CHFR: variants seen among roughly 807,000 people sequenced by gnomAD.
The protein encoded by CHFR is E3 ubiquitin-protein ligase CHFR.
In CHFR, 57 loss-of-function variants were observed where a neutral mutation model predicts 87.6. The ratio of observed to expected loss-of-function variants is 0.65; its 90% CI spans 0.53 to 0.81. The LOEUF is 0.81. Ranked by LOEUF, CHFR falls within the 30% of genes least tolerant of loss-of-function variation. CHFR has a pLI of 0.00. For missense variants in CHFR, 797 were observed against 865.8 expected, an observed-to-expected ratio of 0.92 and a Z score of 1.00; for synonymous variants, 381 against 359.2, an observed-to-expected ratio of 1.06 and a Z score of -0.69.
chr12:132,874,311 A>C (rs1243745494), intron 3 of CHFR, among the ~76,000 whole-genome samples: 1 of 152,140 alleles, frequency 6.6e-6, no homozygotes, highest in East Asian at 1.9e-4. Flanking sequence ...CAGGACCAGC[A>C]CCCAGCGTGG....
chr12:132,874,955 C>T (rs11147133), intron 3 of CHFR, among the ~76,000 whole-genome samples: 18,263 of 125,160 alleles, frequency 0.15, 1,626 homozygotes, highest in Admixed American at 0.2. Flanking sequence ...GCACCCAGCA[C>T]GGGGAAGCCA....
rs750312312 is a variant in CHFR at position 132,851,749 on chromosome 12, G to A, written c.1373-12C>T. On this transcript the variant is annotated splice_polypyrimidine_tract_variant and intron_variant, in intron 11 of 17. Coordinates refer to ENST00000450056, the MANE Select transcript of CHFR (RefSeq NM_001161346.2). ...GTAATCCTGGACTGCTGAAGCACAC[G>A]CACATTCAGCCGGAGCACGTGGGAC... The A allele has an allele frequency of 1.3e-5, 21 of 1,605,806 alleles. No homozygotes were observed. The highest frequency in any genetic ancestry group is 4.4e-5 in the South Asian group (4 of 90,686).
chr12:132,846,724 T>C (rs1023758689), intron 15 of CHFR, among the ~76,000 whole-genome samples: 1 of 151,986 alleles, frequency 6.6e-6, no homozygotes, highest in Non-Finnish European at 1.5e-5. Flanking sequence ...TTACTAAAAA[T>C]ACAAAATTAG....
At chr12:132,881,970 A>T (rs1035109251) in intron 2 of CHFR, among the ~76,000 whole-genome samples, 1 of 152,168 alleles carries the variant, frequency 6.6e-6, no homozygotes, top group Admixed American at 6.5e-5. Context: ...AAAATGGACA[A>T]GCACATGGGA....
At chr12:132,883,622 G>A (rs1292926771) in intron 2 of CHFR, among the ~76,000 whole-genome samples, 1 of 152,102 alleles carries the variant, frequency 6.6e-6, no homozygotes, top group Non-Finnish European at 1.5e-5. Context: ...AGCTACTTGG[G>A]AGGTTGAGGC....
At chr12:132,847,744 G>T (rs920402131) in intron 14 of CHFR, 1 of 1,194,618 alleles carries the variant, frequency 8.4e-7, no homozygotes, top group African/African-American at 1.6e-5. Context: ...CAGAGAAAAG[G>T]CCCTGGTCTT....
intron 13 of CHFR, chr12:132,848,424 G>T: frequency 1.4e-6 from 1 of 707,842 alleles, no homozygotes. Flanking sequence ...TCTGTCCTGG[G>T]AGTATCTCCC....
At chr12:132,864,325 G>A (rs1357347497) in intron 6 of CHFR, among the ~76,000 whole-genome samples, 4 of 152,144 alleles carry the variant, frequency 2.6e-5, no homozygotes, top group South Asian at 2.1e-4. Flanking sequence ...CATCTCCAGC[G>A]CCCCGTGCTC....
chr12:132,860,521 A>C (rs935167552), intron 7 of CHFR, among the ~76,000 whole-genome samples: 1 of 152,110 alleles, frequency 6.6e-6, no homozygotes, highest in African/African-American at 2.4e-5. Context: ...CAGATAACCT[A>C]ATTTCTTTCC....
intron 2 of CHFR, among the ~76,000 whole-genome samples, chr12:132,881,867 CAAAAA>C (rs57027326): frequency 1.3e-4 from 13 of 98,148 alleles, no homozygotes; most frequent in Admixed American, 2.1e-4. Context: ...GACGCTGTCT[CAAAAA>C]AAAAAAAAAA....
chr12:132,874,708 G>A (rs1365886738), intron 3 of CHFR, among the ~76,000 whole-genome samples: 3 of 136,026 alleles, frequency 2.2e-5, no homozygotes, highest in Non-Finnish European at 4.7e-5. Flanking sequence ...CCAGGCCCCG[G>A]AACAGGCAGG....
intron 6 of CHFR, among the ~76,000 whole-genome samples, chr12:132,863,674 T>C (rs542702171): frequency 6.6e-6 from 1 of 152,184 alleles, no homozygotes; most frequent in Non-Finnish European, 1.5e-5. Context: ...CAGTGACTTG[T>C]AGGGAGAGCG....
chr12:132,872,211 G>T, intron 4 of CHFR, 74 bp downstream of exon 4: 5 of 885,424 alleles, frequency 5.6e-6, no homozygotes, highest in Non-Finnish European at 9.5e-6. Context: ...ATGTAGCCAG[G>T]AGGAACGTTC....
chr12:132,870,075 G>A lies in CHFR; in HGVS notation c.404-277C>T, dbSNP rs190534118. Reference sequence around the variant, plus strand: ...AATATAAAAATTAGCCAGGCGTGCCGGGCGCGGTGGCTCATACCTGTAATC... The same window carrying A: ...AATATAAAAATTAGCCAGGCGTGCCAGGCGCGGTGGCTCATACCTGTAATC... On this transcript the variant is annotated intron_variant, in intron 5 of 17. Coordinates refer to ENST00000450056, the MANE Select transcript of CHFR (RefSeq NM_001161346.2). 4.5e-3 allele frequency among the ~76,000 whole-genome samples: 679 copies of A among 152,132 alleles called. 6 individuals are homozygous for A. Among genetic ancestry groups the A allele is most frequent in the African/African-American group, 0.015 (641 of 41,516 alleles).
Position 132,859,072 on chromosome 12 carries a change from C to A in CHFR, c.907G>T (p.Val303Leu). 6.2e-7 allele frequency: 1 copy of A among 1,612,888 alleles called. No homozygotes were observed. Among genetic ancestry groups the A allele is most frequent in the Non-Finnish European group, 8.5e-7 (1 of 1,179,300 alleles). The change falls in exon 8 of 18, where the codon GTG becomes TTG. Residue 303 changes from valine (V) to leucine (L), a missense_variant. By Grantham distance (32) the Val-to-Leu change is conservative. Coordinates refer to ENST00000450056, the MANE Select transcript of CHFR (RefSeq NM_001161346.2). ...CAAGGGTGAACACGGTCGCACCTCA[C>A]GCAGTCGTGCAGCAGGTCCTGGCAG... Reference protein sequence around the residue: ...IICQDLLHDCVSLQPCMHTFC... With the variant: ...IICQDLLHDCLSLQPCMHTFC...
intron 6 of CHFR, chr12:132,862,286 AAT>A: frequency 3.9e-6 from 1 of 253,624 alleles, no homozygotes; most frequent in South Asian, 3.4e-5. Context: ...GGGAAAAAAA[AAT>A]AAAAATAAAA....
rs1452220546 is a variant in CHFR, at chr12:132,832,675, T to C, written c.*8879A>G. 4 of 152,238 alleles carry C rather than the reference T, an allele frequency of 2.6e-5. No homozygotes were observed. The highest frequency in any genetic ancestry group is 7.2e-5 in the African/African-American group (3 of 41,468). 9.4% of individuals were successfully genotyped at this position (152,238 alleles called of 1,614,324 possible). A position where few individuals can be genotyped will look rare whatever the true frequency, so the allele number is the denominator to read the frequency against. ...GACAAACATTAAATTTAAATACAGTTAGAAACAATGAATCTAATCATATAC... is the reference window on the plus strand; with the variant it reads ...GACAAACATTAAATTTAAATACAGTCAGAAACAATGAATCTAATCATATAC... On this transcript the variant is annotated 3_prime_UTR_variant, in exon 18 of 18. Coordinates refer to ENST00000450056, the MANE Select transcript of CHFR (RefSeq NM_001161346.2).
intron 17 of CHFR, among the ~76,000 whole-genome samples, chr12:132,842,662 G>T (rs995300291): frequency 6.6e-6 from 1 of 152,224 alleles, no homozygotes; most frequent in Non-Finnish European, 1.5e-5. Flanking sequence ...GCCTGCTCAC[G>T]GGACGGACGA....
intron 11 of CHFR, 116 bp downstream of exon 11, chr12:132,853,315 G>C: frequency 8.7e-7 from 1 of 1,149,494 alleles, no homozygotes; most frequent in Non-Finnish European, 1.2e-6. Context: ...AGGGCCCAAA[G>C]GGGGCGAGCA....
Sources: allele counts gnomAD v4.1 joint callset (sites outside exome capture counted in the v4.1 genomes callset), GRCh38; gene constraint gnomAD v4.1.1; transcripts MANE v1.5; gene names NCBI Gene and HGNC (gene_info 2026-07-23, HGNC 2026-07-21).